Variants in AKAP9 observed in about 807,000 individuals in gnomAD.
AKAP9 encodes the protein A-kinase anchoring protein 9, also known as A-kinase anchor protein 9.
AKAP9 carries 311 observed loss-of-function variants against 488.5 expected under a neutral mutation model. That is an observed-to-expected ratio of 0.64 (90% CI 0.58 to 0.70). The LOEUF (loss-of-function observed/expected upper bound fraction) is 0.70. AKAP9 is among the 30% of genes least tolerant of loss of function. AKAP9 has a pLI of 0.00. For missense variants in AKAP9, 4,215 were observed against 4,374.5 expected, an observed-to-expected ratio of 0.96 and a Z score of 1.03; for synonymous variants, 1,462 against 1,483.5, an observed-to-expected ratio of 0.99 and a Z score of 0.33.
At chr7:92,036,977 T>A (rs1241593950) in intron 16 of AKAP9, among the ~76,000 whole-genome samples, 1 of 152,208 alleles carries the variant, frequency 6.6e-6, no homozygotes, top group Non-Finnish European at 1.5e-5. Context: ...ACCAGGATTA[T>A]CTGGGAAGAA....
At chr7:92,047,844 A>G (rs184962809) in intron 21 of AKAP9, among the ~76,000 whole-genome samples, 16 of 152,326 alleles carry the variant, frequency 1.1e-4, no homozygotes, top group Admixed American at 6.5e-5. Context: ...TGCTAGGATT[A>G]GTATCATTGG....
chr7:92,052,626 C>A (rs2130804488), intron 21 of AKAP9, 100 bp from the exon 22 acceptor site: 2 of 819,610 alleles, frequency 2.4e-6, no homozygotes, highest in Non-Finnish European at 3.8e-6. Context: ...AAAGACCTTA[C>A]AATTTCCATG....
At chr7:92,008,484 G>C (rs866537988) in intron 8 of AKAP9, among the ~76,000 whole-genome samples, 2 of 145,912 alleles carry the variant, frequency 1.4e-5, no homozygotes, top group African/African-American at 5.1e-5. Flanking sequence ...CCAGGAGATC[G>C]AGACCATCCT....
chr7:91,988,588 A>G (rs1269563721), intron 3 of AKAP9, among the ~76,000 whole-genome samples: 1 of 152,226 alleles, frequency 6.6e-6, no homozygotes, highest in Non-Finnish European at 1.5e-5. Flanking sequence ...TGAGTATTCT[A>G]AAATTTTGAA....
intron 26 of AKAP9, among the ~76,000 whole-genome samples, chr7:92,068,839 G>A (rs1322060214): frequency 6.6e-6 from 1 of 151,690 alleles, no homozygotes; most frequent in Non-Finnish European, 1.5e-5. Flanking sequence ...AGAAATAACT[G>A]TCATTTTTTA....
chr7:92,019,846 A>G (rs1802073071), intron 12 of AKAP9, among the ~76,000 whole-genome samples: 1 of 149,514 alleles, frequency 6.7e-6, no homozygotes, highest in African/African-American at 2.5e-5. Context: ...CATCTCTACT[A>G]AAAAAAAATA....
intron 12 of AKAP9, among the ~76,000 whole-genome samples, chr7:92,021,131 T>C (rs1019452509): frequency 3.9e-5 from 6 of 152,210 alleles, no homozygotes; most frequent in Non-Finnish European, 1.5e-5. Context: ...CTTATAGCCT[T>C]CCCAAATCAT....
intron 8 of AKAP9, among the ~76,000 whole-genome samples, chr7:92,009,984 A>G (rs1249574993): frequency 1.3e-5 from 2 of 152,148 alleles, no homozygotes; most frequent in Admixed American, 6.5e-5. Flanking sequence ...GGCTCAAGTG[A>G]TCCTCCCAAT....
intron 21 of AKAP9, among the ~76,000 whole-genome samples, chr7:92,050,387 G>A (rs566858893): frequency 1.3e-5 from 2 of 152,162 alleles, no homozygotes; most frequent in South Asian, 2.1e-4. Flanking sequence ...GAGCCACCGT[G>A]CCCAGCTGAT....
intron 20 of AKAP9, among the ~76,000 whole-genome samples, chr7:92,044,751 T>A (rs1474420805): frequency 1.3e-5 from 2 of 152,280 alleles, no homozygotes; most frequent in Non-Finnish European, 2.9e-5. Context: ...GTCAATTAAA[T>A]ACCGTACATT....
At chr7:92,071,442 A>G (rs1811719049) in intron 28 of AKAP9, among the ~76,000 whole-genome samples, 1 of 151,330 alleles carries the variant, frequency 6.6e-6, no homozygotes, top group African/African-American at 2.4e-5. Flanking sequence ...GTTTTACAAT[A>G]TACAGAATAT....
chr7:91,992,911 T>G lies in AKAP9; in HGVS notation c.432T>G (p.Ser144=). The change falls in exon 5 of 50, where the codon TCT becomes TCG. Residue 144 remains serine, a synonymous_variant. Coordinates refer to ENST00000356239, the MANE Select transcript of AKAP9 (RefSeq NM_005751.5). ...LREEEFGVDD[S]YSEQGAQDSP... ...AAGAAGAATTTGGTGTTGATGATTCTTATTCTGAACAAGGAGCACAAGACA... is the reference window on the plus strand; with the variant it reads ...AAGAAGAATTTGGTGTTGATGATTCGTATTCTGAACAAGGAGCACAAGACA... The G allele has an allele frequency of 6.2e-7, 1 of 1,614,030 alleles. No individual in the cohort carries two copies. The highest frequency in any genetic ancestry group is 1.6e-4 in the Middle Eastern group (1 of 6,062).
chr7:91,998,544 TGAAA>T (rs1436028090), intron 7 of AKAP9, among the ~76,000 whole-genome samples: 1 of 149,698 alleles, frequency 6.7e-6, no homozygotes, highest in Non-Finnish European at 1.5e-5. Flanking sequence ...GTTTAACGGT[TGAAA>T]GAAGAATTAT....
At chr7:92,091,579 C>G (rs1012889074) in intron 38 of AKAP9, among the ~76,000 whole-genome samples, 46 of 118,390 alleles carry the variant, frequency 3.9e-4, no homozygotes, top group Admixed American at 5.3e-4. Flanking sequence ...GGGCAAGACT[C>G]TGTCTCAAAA....
intron 23 of AKAP9, 138 bp downstream of exon 23, chr7:92,061,560 A>G (rs1188969957): frequency 1.8e-6 from 1 of 546,018 alleles, no homozygotes; most frequent in Non-Finnish European, 3.1e-6. Context: ...TTATCTTCAG[A>G]GTTCCTCCAA....
intron 26 of AKAP9, among the ~76,000 whole-genome samples, chr7:92,067,919 A>G (rs2130836067): frequency 6.6e-6 from 1 of 152,354 alleles, no homozygotes; most frequent in African/African-American, 2.4e-5. Context: ...CACTTTAACT[A>G]GTATTATTTC....
rs541298954 is a variant in AKAP9, at chr7:92,014,426, G to A, written c.3612+98G>A. 15 of 864,220 alleles carry A rather than the reference G, an allele frequency of 1.7e-5. No homozygotes were observed. The South Asian group carries it at 2.1e-4, about 12-fold the overall frequency. The allele number at this position is 864,220 out of a possible 1,614,324, so 53.5% of individuals were successfully genotyped here. A position where few individuals can be genotyped will look rare whatever the true frequency, so the allele number is the denominator to read the frequency against. On this transcript the variant is annotated intron_variant, in intron 10 of 49. Transcript: ENST00000356239. ...TGAGGTGGTCAGATCACTTGAGTTC[G>A]AGACCAGCCTGGCCAACGTGGTGAA...
chr7:92,018,885 T>C, intron 12 of AKAP9, among the ~76,000 whole-genome samples: 1 of 152,228 alleles, frequency 6.6e-6, no homozygotes, highest in South Asian at 2.1e-4. Flanking sequence ...ATCTTTTAGG[T>C]ATATCTCAAT....
rs199680174 is a variant in AKAP9 at position 92,077,067 on chromosome 7, T to TTTATTA, written c.6765+78_6765+83dup. 8.7e-4 allele frequency: 411 copies of TTTATTA among 471,970 alleles called. 1 individual carries two copies. Among genetic ancestry groups the TTTATTA allele is most frequent in the African/African-American group, 5.5e-3 (229 of 41,338 alleles). 29.2% of individuals were successfully genotyped at this position (471,970 alleles called of 1,614,324 possible). A position where few individuals can be genotyped will look rare whatever the true frequency, so the allele number is the denominator to read the frequency against. ...AGTCATAGTTTCAGTCCTATATTGC[T>TTTATTA]TTATTATTATTATTATTATTATTTC... is the stretch of plus-strand genomic sequence containing the variant. On this transcript the variant is annotated intron_variant, in intron 29 of 49. Transcript: ENST00000356239.
Sources: allele counts gnomAD v4.1 joint callset (sites outside exome capture counted in the v4.1 genomes callset), GRCh38; gene constraint gnomAD v4.1.1; transcripts MANE v1.5; gene names NCBI Gene and HGNC (gene_info 2026-07-23, HGNC 2026-07-21).